The following CAST variants were observed in gnomAD, a reference collection of about 807,000 sequenced individuals.
CAST encodes calpastatin.
A neutral mutation model predicts 119.6 loss-of-function variants in CAST; 76 were observed. That is an observed-to-expected ratio of 0.64 (90% CI 0.53 to 0.77). CAST has a LOEUF of 0.77. Among genes scored for constraint, CAST ranks in the 30% least tolerant of loss-of-function variants. CAST has a pLI of 0.00. For synonymous variants in CAST, 319 were observed against 331.6 expected, an observed-to-expected ratio of 0.96 and a Z score of 0.41; for missense variants, 953 against 946.5, an observed-to-expected ratio of 1.01 and a Z score of -0.09.
chr5:96,155,606 G>A, the CAST span, among the ~76,000 whole-genome samples: 24 of 152,122 alleles, frequency 1.6e-4, no homozygotes, highest in African/African-American at 5.6e-4. Context: ...GGCTCACACA[G>A]CGTCACCAGG....
At chr5:96,268,195 GAAAATAAGCAAC>G in the CAST span, among the ~76,000 whole-genome samples, 1 of 152,090 alleles carries the variant, frequency 6.6e-6, no homozygotes, top group Non-Finnish European at 1.5e-5. Flanking sequence ...AAGACAACCC[GAAAATAAGCAAC>G]AAAATGGAAG....
the CAST span, chr5:96,398,978 G>A: frequency 1.2e-6 from 2 of 1,612,294 alleles, no homozygotes; most frequent in Non-Finnish European, 1.7e-6. Flanking sequence ...GCATTTTCTT[G>A]TCCTTCACAA....
At chr5:96,538,685 A>AT (rs201769122) in intron 1 of CAST, among the ~76,000 whole-genome samples, 2 of 151,504 alleles carry the variant, frequency 1.3e-5, no homozygotes, top group Admixed American at 1.3e-4. Flanking sequence ...TTAAAAAAAA[A>AT]ACAGAAAATG....
At chr5:96,333,267 G>T in the CAST span, among the ~76,000 whole-genome samples, 1 of 151,934 alleles carries the variant, frequency 6.6e-6, no homozygotes, top group Non-Finnish European at 1.5e-5. Context: ...TGTTCCTGGT[G>T]GGACTTTAAT....
At chr5:96,374,131 C>T in the CAST span, among the ~76,000 whole-genome samples, 190 of 152,272 alleles carry the variant, frequency 1.2e-3, 1 homozygote, top group African/African-American at 4.4e-3. Flanking sequence ...TTGCCAGCTA[C>T]TCAGATAAAC....
the CAST span, among the ~76,000 whole-genome samples, chr5:96,497,764 C>T: frequency 6.6e-6 from 1 of 152,112 alleles, no homozygotes; most frequent in African/African-American, 2.4e-5. Context: ...GATATTAGCC[C>T]TTTGTCAGAT....
At chr5:96,433,137 G>C in the CAST span, 12 of 1,183,444 alleles carry the variant, frequency 1.0e-5, no homozygotes, top group East Asian at 2.6e-4. Context: ...CCCACCCTCG[G>C]GCTCTAGACC....
chr5:96,272,891 A>G, the CAST span, among the ~76,000 whole-genome samples: 1 of 152,206 alleles, frequency 6.6e-6, no homozygotes, highest in Non-Finnish European at 1.5e-5. Context: ...ATATCAATAA[A>G]AAAATAAAGA....
At chr5:96,274,324 A>C in the CAST span, among the ~76,000 whole-genome samples, 101 of 151,706 alleles carry the variant, frequency 6.7e-4, 2 homozygotes, top group Admixed American at 2.2e-3. Flanking sequence ...GGATGGTCTC[A>C]ATCTCCTGAC....
the CAST span, among the ~76,000 whole-genome samples, chr5:96,058,839 G>A: frequency 1.3e-5 from 2 of 152,116 alleles, no homozygotes; most frequent in African/African-American, 2.4e-5. Flanking sequence ...CTCCTTAACA[G>A]AAATTAAAGT....
At chr5:96,518,688 T>C in the CAST span, among the ~76,000 whole-genome samples, 7 of 152,170 alleles carry the variant, frequency 4.6e-5, no homozygotes, top group East Asian at 1.2e-3. Context: ...AGGAGTAATA[T>C]TGAACCCTGC....
the CAST span, among the ~76,000 whole-genome samples, chr5:96,193,934 A>T: frequency 6.6e-6 from 1 of 152,214 alleles, no homozygotes; most frequent in African/African-American, 2.4e-5. Context: ...TTTGGCATTA[A>T]TGTATTGGAT....
chr5:96,163,239 G>A, the CAST span, among the ~76,000 whole-genome samples: 1 of 152,038 alleles, frequency 6.6e-6, no homozygotes, highest in Non-Finnish European at 1.5e-5. Context: ...TGATGTTTCT[G>A]CTTTCATTCC....
At chr5:95,976,475 G>T in the CAST span, among the ~76,000 whole-genome samples, 1 of 151,976 alleles carries the variant, frequency 6.6e-6, no homozygotes, top group Non-Finnish European at 1.5e-5. Context: ...CTGTGCTTGT[G>T]GTTCATGTAT....
chr5:96,348,387 GGAGAGA>G, the CAST span, among the ~76,000 whole-genome samples: 1 of 149,494 alleles, frequency 6.7e-6, no homozygotes, highest in Non-Finnish European at 1.5e-5. Context: ...AGAGGGAGAG[GGAGAGA>G]GAGAGAGAGA....
At chr5:96,033,261 G>A in the CAST span, among the ~76,000 whole-genome samples, 1 of 151,950 alleles carries the variant, frequency 6.6e-6, no homozygotes, top group African/African-American at 2.4e-5. Flanking sequence ...AGAGATCAAC[G>A]TAATCCCTAT....
intron 1 of CAST, among the ~76,000 whole-genome samples, chr5:96,675,040 G>C (rs995439344): frequency 1.2e-4 from 19 of 152,110 alleles, no homozygotes; most frequent in Non-Finnish European, 2.5e-4. Context: ...GAAATCTTAA[G>C]GCCATAACAC....
At chr5:96,122,503 G>T in the CAST span, among the ~76,000 whole-genome samples, 1 of 152,038 alleles carries the variant, frequency 6.6e-6, no homozygotes, top group Non-Finnish European at 1.5e-5. Flanking sequence ...ATAGTAAATG[G>T]CACTGGCAAT....
the CAST span, among the ~76,000 whole-genome samples, chr5:96,214,041 C>T: frequency 6.6e-6 from 1 of 152,104 alleles, no homozygotes; most frequent in African/African-American, 2.4e-5. Flanking sequence ...TGTATTGGTA[C>T]ATATAGAATA....
Sources: allele counts gnomAD v4.1 joint callset (sites outside exome capture counted in the v4.1 genomes callset), GRCh38; gene constraint gnomAD v4.1.1; transcripts MANE v1.5; gene names NCBI Gene and HGNC (gene_info 2026-07-23, HGNC 2026-07-21).